Variants in CTNNA3 observed in about 807,000 individuals in gnomAD.
The protein encoded by CTNNA3 is catenin alpha 3.
A neutral mutation model predicts 95.7 loss-of-function variants in CTNNA3; 76 were observed. The ratio of observed to expected loss-of-function variants is 0.79; its 90% CI spans 0.66 to 0.96. The LOEUF is 0.96. Among genes scored for constraint, CTNNA3 ranks in the 40% least tolerant of loss-of-function variants. The probability of loss-of-function intolerance (pLI) is 0.00; values close to 1 mark genes in which losing one functional copy is unlikely to be tolerated. For synonymous variants in CTNNA3, 431 were observed against 374.4 expected, an observed-to-expected ratio of 1.15 and a Z score of -1.74; for missense variants, 1,191 against 1,089.8, an observed-to-expected ratio of 1.09 and a Z score of -1.31.
At chr10:66,227,039 C>G (rs528779309) in intron 13 of CTNNA3, among the ~76,000 whole-genome samples, 1 of 151,940 alleles carries the variant, frequency 6.6e-6, no homozygotes, top group East Asian at 1.9e-4. Context: ...GTTGGATATA[C>G]TTTTTTAAAG....
At chr10:65,981,296 G>T (rs147113879) in intron 16 of CTNNA3, among the ~76,000 whole-genome samples, 2 of 151,918 alleles carry the variant, frequency 1.3e-5, no homozygotes. Context: ...AACCAAGGAG[G>T]TGAAAGACTT....
chr10:66,292,550 G>A (rs761012779), intron 12 of CTNNA3, among the ~76,000 whole-genome samples: 2 of 151,980 alleles, frequency 1.3e-5, no homozygotes, highest in Non-Finnish European at 2.9e-5. Context: ...CTAAAGTTCT[G>A]CCACTGCAAT....
intron 11 of CTNNA3, among the ~76,000 whole-genome samples, chr10:66,433,309 T>C (rs980461751): frequency 1.3e-5 from 2 of 152,226 alleles, no homozygotes; most frequent in Non-Finnish European, 2.9e-5. Context: ...TTCCACCGTC[T>C]GTTGTTTCCT....
chr10:66,241,299 T>C (rs1318924528), intron 13 of CTNNA3, among the ~76,000 whole-genome samples: 2 of 152,204 alleles, frequency 1.3e-5, no homozygotes, highest in East Asian at 1.9e-4. Flanking sequence ...AGTTGAATGA[T>C]ACACAGTATG....
chr10:66,235,923 A>T (rs1235253648), intron 13 of CTNNA3, among the ~76,000 whole-genome samples: 1 of 152,184 alleles, frequency 6.6e-6, no homozygotes, highest in Non-Finnish European at 1.5e-5. Context: ...TGATTTGACT[A>T]AAAACATTTT....
intron 12 of CTNNA3, among the ~76,000 whole-genome samples, chr10:66,363,848 T>C (rs1033782626): frequency 6.6e-6 from 1 of 152,170 alleles, no homozygotes; most frequent in Admixed American, 6.6e-5. Context: ...GTTAATAACT[T>C]GCTATTTATA....
chr10:66,649,837 G>A (rs1445583434), intron 9 of CTNNA3, among the ~76,000 whole-genome samples: 1 of 152,176 alleles, frequency 6.6e-6, no homozygotes, highest in African/African-American at 2.4e-5. Context: ...CCTGACCCAG[G>A]ACCAGGCCTG....
chr10:66,836,126 T>TA (rs1842876781), intron 7 of CTNNA3, among the ~76,000 whole-genome samples: 1 of 152,196 alleles, frequency 6.6e-6, no homozygotes, highest in Admixed American at 6.5e-5. Context: ...AGCAAATATT[T>TA]CAACCATGAT....
At chr10:66,409,863 C>A (rs2093088955) in intron 11 of CTNNA3, among the ~76,000 whole-genome samples, 1 of 152,130 alleles carries the variant, frequency 6.6e-6, no homozygotes, top group South Asian at 2.1e-4. Flanking sequence ...CCTTATTTTT[C>A]TCCTAAGGAA....
Position 66,763,220 on chromosome 10 carries a change from T to C in CTNNA3, c.1281+3044A>G, listed in dbSNP as rs555470989. Among the ~76,000 whole-genome samples the C allele has an allele frequency of 7.5e-4, 114 of 152,140 alleles. 1 individual carries two copies. The Middle Eastern group carries it at 0.017, about 23-fold the overall frequency. On this transcript the variant is annotated intron_variant, in intron 9 of 17. Coordinates refer to ENST00000433211, the MANE Select transcript of CTNNA3 (RefSeq NM_013266.4). ...ATGTTTGTAGTAAATTACTGATGATTTTCTCTGTTGCTTTGGTTAGGAAGA... is the reference window on the plus strand; with the variant it reads ...ATGTTTGTAGTAAATTACTGATGATCTTCTCTGTTGCTTTGGTTAGGAAGA...
chr10:67,511,477 G>C (rs1310567150), intron 5 of CTNNA3, among the ~76,000 whole-genome samples: 1 of 152,190 alleles, frequency 6.6e-6, no homozygotes, highest in Non-Finnish European at 1.5e-5. Context: ...AGTCGGTTCT[G>C]TTTATGTGAT....
intron 9 of CTNNA3, among the ~76,000 whole-genome samples, chr10:66,735,982 C>T (rs1473848863): frequency 6.6e-6 from 1 of 152,160 alleles, no homozygotes; most frequent in Non-Finnish European, 1.5e-5. Flanking sequence ...GAACATGCTT[C>T]CCATTTGGCG....
chr10:67,427,738 G>A (rs1221411156), intron 5 of CTNNA3, among the ~76,000 whole-genome samples: 1 of 152,044 alleles, frequency 6.6e-6, no homozygotes, highest in Non-Finnish European at 1.5e-5. Context: ...CTGGGGGTCT[G>A]AGGATTCAGA....
chr10:66,633,883 T>C (rs1390024843), intron 9 of CTNNA3, among the ~76,000 whole-genome samples: 3 of 152,110 alleles, frequency 2.0e-5, no homozygotes, highest in Non-Finnish European at 4.4e-5. Context: ...ACAGTGAAAT[T>C]AGTTTTCTAA....
intron 13 of CTNNA3, among the ~76,000 whole-genome samples, chr10:66,110,246 C>G (rs979999478): frequency 2.0e-5 from 3 of 151,684 alleles, no homozygotes; most frequent in Non-Finnish European, 2.9e-5. Context: ...CCTGTAATCC[C>G]AGCTACTAGG....
At chr10:67,749,475 G>T (rs1391200372) in intron 1 of CTNNA3, among the ~76,000 whole-genome samples, 1 of 152,166 alleles carries the variant, frequency 6.6e-6, no homozygotes, top group Non-Finnish European at 1.5e-5. Flanking sequence ...TCAGACCATA[G>T]TGCAATCAAA....
intron 5 of CTNNA3, among the ~76,000 whole-genome samples, chr10:67,481,997 A>G (rs1848251248): frequency 6.6e-6 from 1 of 152,024 alleles, no homozygotes; most frequent in Non-Finnish European, 1.5e-5. Flanking sequence ...ACCATTTATT[A>G]AATAGGGAAT....
rs532809042 is a variant in CTNNA3, at chr10:66,025,513, G to A, written c.2160-36716C>T. ...TGCCTAGCCCTGAATACTGTTGGAA[G>A]ATATAAATTCAGATAAATGTGTTTT... On this transcript the variant is annotated intron_variant, in intron 15 of 17. Coordinates refer to ENST00000433211, the MANE Select transcript of CTNNA3 (RefSeq NM_013266.4). Among the ~76,000 whole-genome samples the A allele has an allele frequency of 4.7e-4, 71 of 152,236 alleles. No individual in the cohort carries two copies. In the South Asian group the frequency reaches 0.014, roughly 31 times the overall value.
At chr10:66,689,734 C>T (rs1364320714) in intron 9 of CTNNA3, among the ~76,000 whole-genome samples, 1 of 151,784 alleles carries the variant, frequency 6.6e-6, no homozygotes, top group Non-Finnish European at 1.5e-5. Flanking sequence ...CAAGTGGATT[C>T]AATAAAATAA....
Sources: gnomAD v4.1 joint callset for allele counts (sites outside exome capture counted in the v4.1 genomes callset) on GRCh38, gnomAD v4.1.1 for gene constraint, MANE v1.5 for transcripts, NCBI Gene and HGNC (gene_info 2026-07-23, HGNC 2026-07-21) for gene names.